UMAD1: variants seen among roughly 807,000 people sequenced by gnomAD.
UMAD1 encodes UBAP1-MVB12-associated (UMA)-domain containing protein 1.
Under a neutral mutation model 6.1 loss-of-function variants are expected in UMAD1, and 8 were observed. The ratio of observed to expected loss-of-function variants is 1.30; its 90% CI spans 0.76 to 2.35. UMAD1 has a LOEUF of 2.35. Among genes scored for constraint, UMAD1 ranks in the 30% most tolerant of loss-of-function variants. The pLI is 0.00. For missense variants in UMAD1, 130 were observed against 78.4 expected (o/e 1.66, Z -2.49); for synonymous variants, 56 against 31.4 (o/e 1.78, Z -2.61).
chr7:7,832,494 A>G (rs1004224654), intron 3 of UMAD1, among the ~76,000 whole-genome samples: 2 of 152,172 alleles, frequency 1.3e-5, no homozygotes, highest in Non-Finnish European at 2.9e-5. Context: ...ACTTCTACTT[A>G]TACGGAAAAG....
At chr7:7,826,685 A>T (rs751482088) in intron 3 of UMAD1, among the ~76,000 whole-genome samples, 7 of 152,092 alleles carry the variant, frequency 4.6e-5, no homozygotes, top group Non-Finnish European at 1.0e-4. Context: ...GGACTAGGGT[A>T]AAACCCACCC....
intron 3 of UMAD1, among the ~76,000 whole-genome samples, chr7:7,861,715 A>T (rs1316593089): frequency 6.6e-6 from 1 of 152,208 alleles, no homozygotes; most frequent in East Asian, 1.9e-4. Flanking sequence ...TCTATATATC[A>T]AATTCAAATT....
At chr7:7,688,843 A>G (rs1006658777) in intron 2 of UMAD1, among the ~76,000 whole-genome samples, 2 of 152,188 alleles carry the variant, frequency 1.3e-5, no homozygotes, top group African/African-American at 4.8e-5. Flanking sequence ...AGCTTTTGTA[A>G]TGACTTGTAA....
intron 3 of UMAD1, among the ~76,000 whole-genome samples, chr7:7,826,629 C>A (rs1783347028): frequency 1.3e-5 from 2 of 152,118 alleles, no homozygotes; most frequent in African/African-American, 4.8e-5. Context: ...ATCAGATTGC[C>A]TCTAGATTAC....
chr7:7,784,902 A>G (rs1234900410), intron 2 of UMAD1, among the ~76,000 whole-genome samples: 3 of 151,590 alleles, frequency 2.0e-5, no homozygotes, highest in Non-Finnish European at 4.4e-5. Flanking sequence ...AGCTGGGACT[A>G]CAGGCGCCCG....
intron 2 of UMAD1, chr7:7,772,398 A>C (rs1782118978): frequency 6.6e-6 from 1 of 152,186 alleles, no homozygotes; most frequent in African/African-American, 2.4e-5. Flanking sequence ...TAAGCTGTTA[A>C]ATAGTATCTT....
At chr7:7,826,265 A>G (rs948237527) in intron 3 of UMAD1, among the ~76,000 whole-genome samples, 16 of 152,174 alleles carry the variant, frequency 1.1e-4, no homozygotes, top group Non-Finnish European at 2.1e-4. Context: ...AGGGCTGATA[A>G]TAGTGGCTCC....
At chr7:7,720,247 A>T (rs1378113059) in intron 2 of UMAD1, among the ~76,000 whole-genome samples, 2 of 152,204 alleles carry the variant, frequency 1.3e-5, no homozygotes, top group Admixed American at 6.5e-5. Context: ...AAAGTCACAA[A>T]CTATACATCT....
At chr7:7,876,990 C>T (rs556773412) in intron 3 of UMAD1, among the ~76,000 whole-genome samples, 6 of 152,228 alleles carry the variant, frequency 3.9e-5, no homozygotes, top group African/African-American at 1.2e-4. Flanking sequence ...TTTGGAAAAG[C>T]GGAGACAGAA....
chr7:7,832,318 T>C (rs1304072693), intron 3 of UMAD1, among the ~76,000 whole-genome samples: 3 of 152,194 alleles, frequency 2.0e-5, no homozygotes, highest in African/African-American at 7.2e-5. Context: ...AAACAGGTTT[T>C]TCTTTTGGAA....
intron 2 of UMAD1, among the ~76,000 whole-genome samples, chr7:7,777,303 A>G (rs1479576763): frequency 1.3e-5 from 2 of 151,568 alleles, no homozygotes; most frequent in African/African-American, 2.4e-5. Flanking sequence ...CCAGGAGTTC[A>G]AGACCAGCCT....
chr7:7,812,061 C>T (rs1190061814), intron 3 of UMAD1, among the ~76,000 whole-genome samples: 1 of 152,196 alleles, frequency 6.6e-6, no homozygotes, highest in Non-Finnish European at 1.5e-5. Flanking sequence ...GTTACCACAA[C>T]ATCTGTATCC....
intron 1 of UMAD1, among the ~76,000 whole-genome samples, chr7:7,670,061 A>G (rs1490678060): frequency 6.6e-6 from 1 of 152,218 alleles, no homozygotes; most frequent in Non-Finnish European, 1.5e-5. Flanking sequence ...GTTTTAGGTC[A>G]TTAAAAATTT....
chr7:7,709,253 T>G (rs1780688240), intron 2 of UMAD1, among the ~76,000 whole-genome samples: 1 of 152,226 alleles, frequency 6.6e-6, no homozygotes, highest in East Asian at 1.9e-4. Context: ...ATGGGGTTAC[T>G]TTTAATATGG....
chr7:7,771,450 CTT>C (rs779442233), intron 2 of UMAD1, among the ~76,000 whole-genome samples: 1 of 152,124 alleles, frequency 6.6e-6, no homozygotes, highest in Non-Finnish European at 1.5e-5. Flanking sequence ...GTATAAACCT[CTT>C]TGCTGATTGA....
chr7:7,877,406 C>T lies in UMAD1; in HGVS notation c.282C>T (p.Ala94=), dbSNP rs747961229. 7.9e-5 allele frequency: 57 copies of T among 717,644 alleles called. No individual in the cohort carries two copies. Among genetic ancestry groups the T allele is most frequent in the Non-Finnish European group, 1.2e-4 (45 of 385,138 alleles). 44.5% of individuals were successfully genotyped at this position (717,644 alleles called of 1,614,324 possible). Residue 94 remains alanine, a synonymous_variant, in exon 4 of 4, where the codon GCC becomes GCT. Transcript: ENST00000682710. ...ELLSDVPFTL[A]PHVLAVQGTI... is the part of the protein sequence containing the mutation. Reference sequence around the variant, plus strand: ...TGAGCGATGTGCCGTTCACCCTGGCCCCGCATGTGCTGGCAGTACAGGGCA... The same window carrying T: ...TGAGCGATGTGCCGTTCACCCTGGCTCCGCATGTGCTGGCAGTACAGGGCA...
In UMAD1 at chr7:7,877,805, G is replaced by A; in HGVS notation, c.*267G>A. 2.5e-6 allele frequency: 1 copy of A among 393,670 alleles called. No individual in the cohort carries two copies. The highest frequency in any genetic ancestry group is 4.6e-6 in the Non-Finnish European group (1 of 218,154). The allele number at this position is 393,670 out of a possible 1,614,324, so 24.4% of individuals were successfully genotyped here. On this transcript the variant is annotated 3_prime_UTR_variant, in exon 4 of 4. Coordinates refer to ENST00000682710, the MANE Select transcript of UMAD1 (RefSeq NM_001302348.2). Reference sequence around the variant, plus strand: ...AGGAAAGGACTCGATTCCTTCAGATGGTCTCTCAAAATATAACACCTCAAA... The same window carrying A: ...AGGAAAGGACTCGATTCCTTCAGATAGTCTCTCAAAATATAACACCTCAAA...
chr7:7,812,765 T>G (rs903938421), intron 3 of UMAD1, among the ~76,000 whole-genome samples: 1 of 151,962 alleles, frequency 6.6e-6, no homozygotes, highest in African/African-American at 2.4e-5. Context: ...GAGGTCCATG[T>G]TGGGAGAACA....
At chr7:7,853,102 T>G (rs560121672) in intron 3 of UMAD1, among the ~76,000 whole-genome samples, 1 of 152,098 alleles carries the variant, frequency 6.6e-6, no homozygotes, top group Admixed American at 6.6e-5. Flanking sequence ...GCTGTGGGAG[T>G]TATGAGCCAG....
Sources: gnomAD v4.1 joint callset for allele counts (sites outside exome capture counted in the v4.1 genomes callset) on GRCh38, gnomAD v4.1.1 for gene constraint, MANE v1.5 for transcripts, NCBI Gene and HGNC (gene_info 2026-07-23, HGNC 2026-07-21) for gene names.